The following MYRIP variants were observed in gnomAD, a reference collection of about 807,000 sequenced individuals.
MYRIP encodes the protein rab effector MyRIP.
Under a neutral mutation model 98.0 loss-of-function variants are expected in MYRIP, and 49 were observed. The observed-to-expected ratio is 0.50, with a 90% CI of 0.40 to 0.63. MYRIP has a LOEUF of 0.63. MYRIP is among the 30% of genes least tolerant of loss of function. MYRIP has a pLI of 0.00. For missense variants in MYRIP, 1,004 were observed against 1,058.2 expected (o/e 0.95, Z 0.71); for synonymous variants, 404 against 409.5 (o/e 0.99, Z 0.16).
chr3:39,984,360 A>G (rs1314602326), intron 2 of MYRIP, among the ~76,000 whole-genome samples: 4 of 152,168 alleles, frequency 2.6e-5, no homozygotes, highest in Admixed American at 2.0e-4. Context: ...ATATCTCCCA[A>G]TGCTGTCCCT....
chr3:40,141,085 G>A lies in MYRIP; in HGVS notation c.333-9963G>A, dbSNP rs372901400. On this transcript the variant is annotated intron_variant, in intron 3 of 16. Transcript: ENST00000302541. ...CACTACTCTTCCTTCCTAGCCTCTG[G>A]TAACCATCCTTCTACACTCTATCTC... Among the ~76,000 whole-genome samples the A allele has an allele frequency of 1.8e-4, 28 of 151,718 alleles. No individual in the cohort carries two copies. The East Asian group carries it at 1.9e-3, about 11-fold the overall frequency.
In MYRIP at chr3:40,242,659, C is replaced by T. The variant is rs531842857; in HGVS notation, c.2101-1787C>T. Reference sequence around the variant, plus strand: ...TATGTCAAGTTATGTTTAACCACTGCCATGCTTAAATTATTTCGTTTCACT... The same window carrying T: ...TATGTCAAGTTATGTTTAACCACTGTCATGCTTAAATTATTTCGTTTCACT... On this transcript the variant is annotated intron_variant, in intron 12 of 16. Coordinates refer to ENST00000302541, the MANE Select transcript of MYRIP (RefSeq NM_015460.4). Among the ~76,000 whole-genome samples, 33 of 152,246 alleles carry T rather than the reference C, an allele frequency of 2.2e-4. No individual in the cohort carries two copies. In the South Asian group the frequency reaches 6.4e-3, roughly 30 times the overall value.
intron 3 of MYRIP, among the ~76,000 whole-genome samples, chr3:40,054,349 A>C (rs1305630206): frequency 6.6e-6 from 1 of 152,154 alleles, no homozygotes; most frequent in Non-Finnish European, 1.5e-5. Flanking sequence ...CATTTAGGAT[A>C]CATTTATAGC....
intron 3 of MYRIP, among the ~76,000 whole-genome samples, chr3:40,095,329 G>A (rs2125886318): frequency 6.6e-6 from 1 of 152,278 alleles, no homozygotes; most frequent in South Asian, 2.1e-4. Context: ...TGAGCAGAGA[G>A]GGTGAGTCCG....
intron 4 of MYRIP, among the ~76,000 whole-genome samples, chr3:40,152,439 T>C (rs903367798): frequency 1.1e-4 from 17 of 152,198 alleles, no homozygotes; most frequent in Non-Finnish European, 2.1e-4. Flanking sequence ...TGGAAAACCC[T>C]GTAGAATAGA....
intron 12 of MYRIP, among the ~76,000 whole-genome samples, chr3:40,239,365 C>T (rs1952926478): frequency 6.7e-6 from 1 of 149,786 alleles, no homozygotes; most frequent in Non-Finnish European, 1.5e-5. Context: ...CCACAACAAA[C>T]ATACGTGTGC....
intron 1 of MYRIP, among the ~76,000 whole-genome samples, chr3:39,850,159 G>A (rs113002533): frequency 9.9e-5 from 15 of 152,278 alleles, no homozygotes; most frequent in South Asian, 2.1e-4. Context: ...ATTTGTAACC[G>A]CATGCTCTGT....
intron 3 of MYRIP, among the ~76,000 whole-genome samples, chr3:40,053,969 A>G (rs1052541617): frequency 1.3e-5 from 2 of 152,178 alleles, no homozygotes; most frequent in Admixed American, 6.6e-5. Context: ...CCAACACAGC[A>G]TAGTGGCCTC....
intron 3 of MYRIP, among the ~76,000 whole-genome samples, chr3:40,068,441 G>T (rs1948164124): frequency 6.6e-6 from 1 of 152,150 alleles, no homozygotes; most frequent in South Asian, 2.1e-4. Flanking sequence ...GATGGTTGAG[G>T]ATATAGTGTC....
At chr3:39,894,968 T>G (rs532199895) in intron 1 of MYRIP, among the ~76,000 whole-genome samples, 6 of 152,338 alleles carry the variant, frequency 3.9e-5, no homozygotes, top group African/African-American at 1.4e-4. Flanking sequence ...TCTTATTAAA[T>G]GAAAAATTGC....
intron 8 of MYRIP, among the ~76,000 whole-genome samples, chr3:40,181,273 T>C (rs1950877489): frequency 1.3e-5 from 2 of 152,138 alleles, no homozygotes; most frequent in Admixed American, 1.3e-4. Context: ...AAGCACCCCA[T>C]GGCCCTGCCC....
intron 10 of MYRIP, among the ~76,000 whole-genome samples, chr3:40,198,586 G>A (rs1951465451): frequency 6.6e-6 from 1 of 152,174 alleles, no homozygotes; most frequent in Admixed American, 6.5e-5. Context: ...GAAATTTTGT[G>A]TGAAAGATGT....
chr3:39,832,780 T>C (rs1941489552), intron 1 of MYRIP, among the ~76,000 whole-genome samples: 1 of 152,222 alleles, frequency 6.6e-6, no homozygotes, highest in Non-Finnish European at 1.5e-5. Context: ...TTCAGGTGGC[T>C]TCACTGTTTA....
chr3:40,044,344 G>A, intron 3 of MYRIP, 73 bp downstream of exon 3: 1 of 1,431,516 alleles, frequency 7.0e-7, no homozygotes, highest in Non-Finnish European at 9.8e-7. Flanking sequence ...CCTTCAGTCA[G>A]GTAGAACCAG....
intron 2 of MYRIP, among the ~76,000 whole-genome samples, chr3:40,010,716 A>G (rs1236249989): frequency 1.3e-5 from 2 of 151,750 alleles, no homozygotes; most frequent in Admixed American, 6.6e-5. Flanking sequence ...AAGCTGCCAT[A>G]CCTCCCCTGC....
At chr3:39,958,288 G>C (rs1314117367) in intron 2 of MYRIP, among the ~76,000 whole-genome samples, 1 of 152,098 alleles carries the variant, frequency 6.6e-6, no homozygotes, top group East Asian at 1.9e-4. Flanking sequence ...ATACTACAAG[G>C]CTACAGTAAC....
chr3:39,883,504 T>G (rs1943208669), intron 1 of MYRIP, among the ~76,000 whole-genome samples: 2 of 152,084 alleles, frequency 1.3e-5, no homozygotes, highest in South Asian at 4.1e-4. Context: ...TAAAAATAAC[T>G]ATATGTTACT....
intron 8 of MYRIP, among the ~76,000 whole-genome samples, chr3:40,175,090 A>G (rs1267986333): frequency 6.6e-6 from 1 of 152,126 alleles, no homozygotes; most frequent in African/African-American, 2.4e-5. Context: ...GCGCCACTGC[A>G]TTCCAGCCTG....
intron 16 of MYRIP, among the ~76,000 whole-genome samples, chr3:40,256,456 A>C (rs1390919912): frequency 6.6e-6 from 1 of 152,196 alleles, no homozygotes; most frequent in Non-Finnish European, 1.5e-5. Flanking sequence ...GACATCAAAA[A>C]TAAACCCAAA....
Sources: allele counts gnomAD v4.1 joint callset (sites outside exome capture counted in the v4.1 genomes callset), GRCh38; gene constraint gnomAD v4.1.1; transcripts MANE v1.5; gene names NCBI Gene and HGNC (gene_info 2026-07-23, HGNC 2026-07-21).